The following SMS variants were observed in gnomAD, a reference collection of about 807,000 sequenced individuals.
SMS encodes the protein spermine synthase.
SMS carries 3 observed loss-of-function variants against 33.0 expected under a neutral mutation model. The ratio of observed to expected loss-of-function variants is 0.09; its 90% CI spans 0.04 to 0.23. The LOEUF (loss-of-function observed/expected upper bound fraction) is 0.23, where lower values mean the gene tolerates loss of function less well. Ranked by LOEUF, SMS falls within the 10% of genes least tolerant of loss-of-function variation. The pLI, the probability that SMS is intolerant of heterozygous loss-of-function variation, is 1.00. For synonymous variants in SMS, 103 were observed against 112.2 expected (o/e 0.92, Z 0.52); for missense variants, 117 against 288.6 (o/e 0.41, Z 4.31).
chrX:21,985,102 T>TA (rs754840487), intron 8 of SMS, 42 bp from the exon 9 acceptor site: 1 of 873,994 alleles, frequency 1.1e-6, no homozygotes, highest in East Asian at 3.1e-5. Flanking sequence ...TGTGGATACA[T>TA]ACAAACCCAT....
chrX:21,983,228 CG>C (rs1297953808), intron 7 of SMS, among the ~76,000 whole-genome samples: 2 of 109,658 alleles, frequency 1.8e-5, no homozygotes, highest in Admixed American at 9.8e-5. Flanking sequence ...TTTCTAGAGA[CG>C]GGCTTTCACC....
chrX:21,979,302 G>T lies in SMS; in HGVS notation c.750+336G>T, dbSNP rs757590041. Among the ~76,000 whole-genome samples, 6 of 110,210 alleles carry T rather than the reference G, an allele frequency of 5.4e-5. 1 individual carries two copies. In the South Asian group the frequency reaches 2.4e-3, roughly 44 times the overall value. ...GCTGCACCTATGAACCCATCATCTA[G>T]GTTTTAAGCCCTGCATGCGTTAGGT... On this transcript the variant is annotated intron_variant, in intron 7 of 10. Transcript: ENST00000404933.
chrX:21,945,002 A>G (rs755805564), intron 1 of SMS, among the ~76,000 whole-genome samples: 2 of 111,551 alleles, frequency 1.8e-5, no homozygotes, highest in East Asian at 5.6e-4. Flanking sequence ...GCACACAAAA[A>G]CAGTGGTGAG....
chrX:21,943,550 A>C (rs1161183266), intron 1 of SMS, among the ~76,000 whole-genome samples: 1 of 111,207 alleles, frequency 9.0e-6, no homozygotes, highest in Non-Finnish European at 1.9e-5. Flanking sequence ...TAAGCTGTTA[A>C]TATTTTAATT....
chrX:21,992,138 G>C (rs752585647), intron 9 of SMS, among the ~76,000 whole-genome samples: 5 of 112,453 alleles, frequency 4.4e-5, no homozygotes, highest in Non-Finnish European at 9.4e-5. Flanking sequence ...AAATGGGGGT[G>C]AATATAGTTC....
intron 1 of SMS, among the ~76,000 whole-genome samples, chrX:21,966,187 A>G (rs1043067109): frequency 3.1e-4 from 35 of 112,326 alleles, no homozygotes; most frequent in African/African-American, 1.3e-4. Flanking sequence ...TCACACTGCA[A>G]TCAGCTGTGA....
chrX:21,977,320 G>C, intron 5 of SMS, 84 bp downstream of exon 5: 1 of 900,938 alleles, frequency 1.1e-6, no homozygotes, highest in Non-Finnish European at 1.6e-6. Context: ...TACTACTGTC[G>C]TGGATTTGTT....
At chrX:21,977,516 A>G (rs1161984739) in intron 5 of SMS, among the ~76,000 whole-genome samples, 1 of 112,191 alleles carries the variant, frequency 8.9e-6, no homozygotes, top group Non-Finnish European at 1.9e-5. Context: ...TTACAGAACA[A>G]TTCAAACCTA....
intron 1 of SMS, among the ~76,000 whole-genome samples, chrX:21,955,123 A>G (rs1922889131): frequency 8.9e-6 from 1 of 112,086 alleles, no homozygotes; most frequent in Admixed American, 9.4e-5. Context: ...GGCGTGAGCC[A>G]CTGCGCCCGG....
chrX:21,957,329 T>C lies in SMS; in HGVS notation c.50-9867T>C, dbSNP rs143193961. Among the ~76,000 whole-genome samples, 643 of 110,245 alleles carry C rather than the reference T, an allele frequency of 5.8e-3. 5 individuals are homozygous for C. Among genetic ancestry groups the C allele is most frequent in the African/African-American group, 0.02 (613 of 30,240 alleles). On this transcript the variant is annotated intron_variant, in intron 1 of 10. Transcript: ENST00000404933. ...TTATTTATTTTGAGACAGAATCTCTTTATGTCACCCAGGCTGGAGTGCAGT... is the reference window on the plus strand; with the variant it reads ...TTATTTATTTTGAGACAGAATCTCTCTATGTCACCCAGGCTGGAGTGCAGT...
chrX:21,956,034 A>G (rs940560949), intron 1 of SMS, among the ~76,000 whole-genome samples: 3 of 112,240 alleles, frequency 2.7e-5, no homozygotes, highest in Non-Finnish European at 5.6e-5. Flanking sequence ...TGCAGTGGGA[A>G]TGACAAGGCA....
chrX:21,941,324 C>G (rs1446205959), intron 1 of SMS: 2 of 236,526 alleles, frequency 8.5e-6, no homozygotes, highest in Non-Finnish European at 1.6e-5. Flanking sequence ...GGGCGTGCGC[C>G]GAGCGGGGCT....
Position 21,943,195 on chromosome X carries a change from G to T in SMS, c.49+2322G>T, listed in dbSNP as rs956354779. ...TTAAGGAGGGTGATCTCAGCATGGA[G>T]CCCAAAGACTCTGGCACTTCCCTTT... On this transcript the variant is annotated intron_variant, in intron 1 of 10. Transcript: ENST00000404933. Among the ~76,000 whole-genome samples, 23 of 100,606 alleles carry T rather than the reference G, an allele frequency of 2.3e-4. 1 individual carries two copies. Among genetic ancestry groups the T allele is most frequent in the Middle Eastern group, 5.0e-3 (1 of 201 alleles). The allele number at this position is 100,606 out of a possible 115,157, so 87.4% of individuals were successfully genotyped here.
intron 7 of SMS, among the ~76,000 whole-genome samples, chrX:21,983,751 G>A (rs1319733105): frequency 1.8e-5 from 2 of 111,797 alleles, no homozygotes; most frequent in Non-Finnish European, 1.9e-5. Context: ...GGCTGGGTAC[G>A]GTGGCTCATG....
Position 21,977,805 on chromosome X carries a change from C to G in SMS, c.506-155C>G, listed in dbSNP as rs183827931. ...TGATCAGGGTTGATGAAAAAGTCCT[C>G]AATGGAAAAAAAGCTTGCAAATTGT... is the stretch of plus-strand genomic sequence containing the variant. On this transcript the variant is annotated intron_variant, in intron 5 of 10. Coordinates refer to ENST00000404933, the MANE Select transcript of SMS (RefSeq NM_004595.5). 2.0e-3 allele frequency among the ~76,000 whole-genome samples: 221 copies of G among 111,986 alleles called. 1 individual carries two copies. The highest frequency in any genetic ancestry group is 3.2e-3 in the Non-Finnish European group (168 of 53,213).
chrX:21,951,775 T>G (rs1198502382), intron 1 of SMS, among the ~76,000 whole-genome samples: 1 of 109,646 alleles, frequency 9.1e-6, no homozygotes, highest in African/African-American at 3.3e-5. Flanking sequence ...GCTAAATTTT[T>G]AGTGGAGTTC....
chrX:21,950,151 C>G (rs1922504034), intron 1 of SMS, among the ~76,000 whole-genome samples: 1 of 111,489 alleles, frequency 9.0e-6, no homozygotes, highest in Non-Finnish European at 1.9e-5. Context: ...GATCCTCCAG[C>G]CTGAGACTCC....
chrX:21,966,943 C>G (rs371148241), intron 1 of SMS, among the ~76,000 whole-genome samples: 1 of 111,025 alleles, frequency 9.0e-6, no homozygotes, highest in Non-Finnish European at 1.9e-5. Context: ...GTGTTCTTAC[C>G]GTCGTGTAAT....
chrX:21,993,962 C>T (rs932457952), intron 10 of SMS, among the ~76,000 whole-genome samples: 16 of 107,587 alleles, frequency 1.5e-4, no homozygotes, highest in East Asian at 2.9e-4. Context: ...TTGTATCTCC[C>T]GCTACCCTAA....
Sources: allele counts gnomAD v4.1 joint callset (sites outside exome capture counted in the v4.1 genomes callset), GRCh38; gene constraint gnomAD v4.1.1; transcripts MANE v1.5; gene names NCBI Gene and HGNC (gene_info 2026-07-23, HGNC 2026-07-21).